CFAP43: variants seen among roughly 807,000 people sequenced by gnomAD.
CFAP43 encodes cilia- and flagella-associated protein 43.
Under a neutral mutation model 218.9 loss-of-function variants are expected in CFAP43, and 155 were observed. The ratio of observed to expected loss-of-function variants is 0.71; its 90% CI spans 0.62 to 0.81. CFAP43 has a LOEUF of 0.81. CFAP43 is among the 30% of genes least tolerant of loss of function. The pLI is 0.00. For synonymous variants in CFAP43, 645 were observed against 681.3 expected (o/e 0.95, Z 0.83); for missense variants, 1,778 against 1,954.3 (o/e 0.91, Z 1.70).
At chr10:104,192,697 T>C (rs1283484454) in intron 11 of CFAP43, 2 of 185,306 alleles carry the variant, frequency 1.1e-5, no homozygotes, top group Middle Eastern at 2.2e-3. Context: ...AAGAATGTAG[T>C]GAAACATGTC....
In CFAP43 at chr10:104,152,694, G is replaced by A. The variant is rs2088329341; in HGVS notation, c.3573C>T (p.Asn1191=). 6.2e-7 allele frequency: 1 copy of A among 1,612,340 alleles called. No homozygotes were observed. The highest frequency in any genetic ancestry group is 8.5e-7 in the Non-Finnish European group (1 of 1,179,578). Reference sequence around the variant, plus strand: ...AGGCCTGTGTGCTTTCTTGAATAGAGTTTTGAAGTTTCTTCAGTTCTGCTT... The same window carrying A: ...AGGCCTGTGTGCTTTCTTGAATAGAATTTTGAAGTTTCTTCAGTTCTGCTT... ...SLEAELKKLQ[N]SIQESTQAFD... Residue 1191 remains asparagine, a synonymous_variant, in exon 28 of 38, where the codon AAC becomes AAT. Coordinates refer to ENST00000357060, the MANE Select transcript of CFAP43 (RefSeq NM_025145.7).
At chr10:104,146,532 C>A (rs1214652615) in intron 29 of CFAP43, among the ~76,000 whole-genome samples, 183 bp from the exon 30 acceptor site, 1 of 152,046 alleles carries the variant, frequency 6.6e-6, no homozygotes, top group Non-Finnish European at 1.5e-5. Context: ...GAAAGAACAC[C>A]CAATCACCTG....
At chr10:104,218,719 CAGA>C (rs1440235647) in intron 3 of CFAP43, 25 of 510,254 alleles carry the variant, frequency 4.9e-5, no homozygotes, top group Admixed American at 4.8e-4. Flanking sequence ...TGCATTTCAA[CAGA>C]AGGTTTGTGC....
At chr10:104,145,663 T>TA in intron 30 of CFAP43, 99 bp from the exon 31 acceptor site, 2 of 661,494 alleles carry the variant, frequency 3.0e-6, no homozygotes, top group Non-Finnish European at 5.0e-6. Flanking sequence ...ACTTTGGTTT[T>TA]AAAAATGCAT....
chr10:104,188,904 T>G (rs946963836), intron 12 of CFAP43, among the ~76,000 whole-genome samples: 1 of 152,194 alleles, frequency 6.6e-6, no homozygotes, highest in Non-Finnish European at 1.5e-5. Flanking sequence ...GTGCCAGGCC[T>G]GGAGCCCACC....
At chr10:104,192,988 C>G (rs752787015) in intron 11 of CFAP43, 1 of 152,260 alleles carries the variant, frequency 6.6e-6, no homozygotes, top group Non-Finnish European at 1.5e-5. Context: ...ATAAGAATAA[C>G]ACCTTTCTGA....
intron 27 of CFAP43, among the ~76,000 whole-genome samples, chr10:104,156,327 T>C (rs2088542011): frequency 6.6e-6 from 1 of 152,150 alleles, no homozygotes; most frequent in Non-Finnish European, 1.5e-5. Context: ...AATATGTTGG[T>C]GTATTCTTAG....
chr10:104,186,057 G>T lies in CFAP43; in HGVS notation c.1927C>A (p.Leu643Met). The T allele has an allele frequency of 6.2e-7, 1 of 1,605,176 alleles. No homozygotes were observed. The change falls in exon 15 of 38, where the codon CTG (leucine) becomes ATG (methionine). Residue 643 changes from leucine (L) to methionine (M), a missense_variant. Physicochemically the swap from Leu to Met is conservative, Grantham distance 15. This residue lies in a region of CFAP43 where 1,553 missense variants were observed against 1,685.2 expected (regional missense o/e 0.92). Transcript: ENST00000357060. The stretch of plus-strand genomic sequence containing the variant: ...AATCCATGTGAAGACAGATAGAGCA[G>T]TCCAGGTCCATACTGTCTGCTTTGT... The part of the protein sequence containing the change: ...KVQSRQYGPG[L>M]LYLSSHGLWL...
chr10:104,189,615 T>C (rs1424496357), intron 12 of CFAP43, among the ~76,000 whole-genome samples: 1 of 152,162 alleles, frequency 6.6e-6, no homozygotes, highest in Non-Finnish European at 1.5e-5. Context: ...TTTTCTTCAC[T>C]GCCTCATCTT....
chr10:104,208,872 A>G (rs1047237434), intron 5 of CFAP43, among the ~76,000 whole-genome samples: 1 of 152,198 alleles, frequency 6.6e-6, no homozygotes, highest in Non-Finnish European at 1.5e-5. Context: ...TTCTGCCCAG[A>G]TAACATCTGC....
At chr10:104,224,403 A>G (rs375097957) in intron 3 of CFAP43, among the ~76,000 whole-genome samples, 1 of 152,114 alleles carries the variant, frequency 6.6e-6, no homozygotes, top group Non-Finnish European at 1.5e-5. Context: ...AAAACTTATC[A>G]AAGTATTTAC....
intron 1 of CFAP43, among the ~76,000 whole-genome samples, chr10:104,231,838 G>A (rs1337074934): frequency 6.6e-6 from 1 of 152,116 alleles, no homozygotes; most frequent in Non-Finnish European, 1.5e-5. Flanking sequence ...GGAGGGGGAG[G>A]GGGATGTGAT....
intron 25 of CFAP43, 100 bp downstream of exon 25, chr10:104,162,217 G>T: frequency 1.5e-6 from 2 of 1,302,062 alleles, no homozygotes; most frequent in South Asian, 2.4e-5. Flanking sequence ...AGTGACCTCT[G>T]ACCACGACAA....
At chr10:104,170,526 G>C (rs779262883) in intron 20 of CFAP43, among the ~76,000 whole-genome samples, 7 of 152,124 alleles carry the variant, frequency 4.6e-5, no homozygotes, top group Non-Finnish European at 1.0e-4. Flanking sequence ...GAGTGGGCTG[G>C]GAGAACTTGG....
intron 21 of CFAP43, 130 bp from the exon 22 acceptor site, chr10:104,167,867 A>G (rs1589688878): frequency 5.1e-6 from 3 of 584,576 alleles, no homozygotes; most frequent in Non-Finnish European, 8.8e-6. Context: ...AAAATTGACA[A>G]TGGAAACCTT....
intron 1 of CFAP43, 109 bp downstream of exon 1, chr10:104,232,073 G>A: frequency 7.7e-7 from 1 of 1,299,060 alleles, no homozygotes; most frequent in Non-Finnish European, 1.1e-6. Flanking sequence ...AGAGGTCGAA[G>A]CTGCGGGGAA....
rs1484523345 is a variant in CFAP43 at position 104,157,775 on chromosome 10, T to TGTGAGAGAGAGA, written c.3540+3261_3540+3262insTCTCTCTCTCAC. On this transcript the variant is annotated intron_variant, in intron 27 of 37. Transcript: ENST00000357060. Reference sequence around the variant, plus strand: ...GTGTGTGTGTGTGTGTGTGTGTGTGTGAGAGAGAGAGAGAGAGAGAGAGAG... The same window carrying TGTGAGAGAGAGA: ...GTGTGTGTGTGTGTGTGTGTGTGTGTGTGAGAGAGAGAGAGAGAGAGAGAGAGAGAGAGAGAG... Among the ~76,000 whole-genome samples, 287 of 90,146 alleles carry TGTGAGAGAGAGA rather than the reference T, an allele frequency of 3.2e-3. 2 individuals carry two copies. The highest frequency in any genetic ancestry group is 4.3e-3 in the Non-Finnish European group (204 of 47,142). 59.1% of individuals were successfully genotyped at this position (90,146 alleles called of 152,430 possible).
chr10:104,132,564 G>C (rs1436311030), intron 35 of CFAP43: 1 of 810,988 alleles, frequency 1.2e-6, no homozygotes, highest in Non-Finnish European at 1.5e-6. Flanking sequence ...GTAGTGAGCG[G>C]ATATCACACC....
At chr10:104,157,775 T>TGTGTGAGAGAGA (rs1484523345) in intron 27 of CFAP43, among the ~76,000 whole-genome samples, 211 of 90,150 alleles carry the variant, frequency 2.3e-3, no homozygotes, top group African/African-American at 4.4e-3. Flanking sequence ...TGTGTGTGTG[T>TGTGTGAGAGAGA]GAGAGAGAGA....
Sources: gnomAD v4.1 joint callset for allele counts (sites outside exome capture counted in the v4.1 genomes callset) on GRCh38, gnomAD v4.1.1 for gene constraint, gnomAD v4.1.1 regional missense constraint, MANE v1.5 for transcripts, NCBI Gene and HGNC (gene_info 2026-07-23, HGNC 2026-07-21) for gene names.